The following FRMD3 variants were observed in gnomAD, a reference collection of about 807,000 sequenced individuals.
FRMD3 encodes FERM domain-containing protein 3.
In FRMD3, 33 loss-of-function variants were observed where a neutral mutation model predicts 70.2. That is an observed-to-expected ratio of 0.47 (90% CI 0.36 to 0.63). FRMD3 has a LOEUF of 0.63. FRMD3 is among the 20% of genes least tolerant of loss of function. The pLI is 0.00. For synonymous variants in FRMD3, 279 were observed against 255.9 expected, an observed-to-expected ratio of 1.09 and a Z score of -0.86; for missense variants, 632 against 711.4, an observed-to-expected ratio of 0.89 and a Z score of 1.27.
At chr9:83,509,034 C>A (rs1030760300) in intron 1 of FRMD3, among the ~76,000 whole-genome samples, 1 of 147,224 alleles carries the variant, frequency 6.8e-6, no homozygotes, top group Non-Finnish European at 1.5e-5. Context: ...TCCTCCCCAA[C>A]TTTTATTCAA....
At chr9:83,254,000 C>T (rs1057214892) in intron 13 of FRMD3, among the ~76,000 whole-genome samples, 1 of 151,616 alleles carries the variant, frequency 6.6e-6, no homozygotes, top group African/African-American at 2.4e-5. Flanking sequence ...TCATTCTCAG[C>T]AAACTATCAC....
At chr9:83,335,462 G>C (rs1158587458) in intron 6 of FRMD3, 54 bp downstream of exon 6, 1 of 1,505,974 alleles carries the variant, frequency 6.6e-7, no homozygotes. Context: ...ATTCCCTGCA[G>C]TAAGAATATT....
Position 83,501,974 on chromosome 9 carries a change from G to T in FRMD3, c.147+36111C>A, listed in dbSNP as rs113791649. Among the ~76,000 whole-genome samples, 581 of 152,128 alleles carry T rather than the reference G, an allele frequency of 3.8e-3. 5 individuals carry two copies. Among genetic ancestry groups the T allele is most frequent in the African/African-American group, 0.013 (551 of 41,510 alleles). On this transcript the variant is annotated intron_variant, in intron 1 of 13. Transcript: ENST00000304195. ...CAATTTAAGTCAAGCACCAAAATTT[G>T]TTACTTATGGAAGCAACTCCTTTAA...
intron 10 of FRMD3, among the ~76,000 whole-genome samples, chr9:83,306,122 G>A (rs1286830640): frequency 3.3e-5 from 5 of 151,980 alleles, no homozygotes; most frequent in African/African-American, 7.3e-5. Context: ...ATAAAACAAC[G>A]TGCGTGAAAT....
intron 1 of FRMD3, among the ~76,000 whole-genome samples, chr9:83,490,790 T>TCA (rs1470613207): frequency 2.5e-5 from 3 of 122,214 alleles, no homozygotes; most frequent in African/African-American, 3.8e-5. Flanking sequence ...TCTCTCTCTC[T>TCA]CTCTCTCTCA....
chr9:83,557,741 G>A, the FRMD3 span, among the ~76,000 whole-genome samples: 10 of 152,172 alleles, frequency 6.6e-5, no homozygotes, highest in African/African-American at 1.9e-4. Context: ...AAGAAATGAA[G>A]ATCTGGGGGG....
intron 4 of FRMD3, among the ~76,000 whole-genome samples, chr9:83,346,765 T>C (rs902899199): frequency 4.6e-5 from 7 of 152,168 alleles, no homozygotes; most frequent in Non-Finnish European, 2.9e-5. Context: ...CTTATGAAAA[T>C]AGATTGCTGG....
At chr9:83,283,350 G>A (rs1373141297) in intron 13 of FRMD3, among the ~76,000 whole-genome samples, 1 of 151,894 alleles carries the variant, frequency 6.6e-6, no homozygotes, top group South Asian at 2.1e-4. Flanking sequence ...CTAACATGGT[G>A]AAACCCCGTC....
chr9:83,514,271 G>A (rs1477124486), intron 1 of FRMD3, among the ~76,000 whole-genome samples: 2 of 152,174 alleles, frequency 1.3e-5, no homozygotes, highest in African/African-American at 4.8e-5. Flanking sequence ...CTCGAGCTTG[G>A]TGGGGAGAGG....
chr9:83,472,599 C>T lies in FRMD3; in HGVS notation c.147+65486G>A, dbSNP rs184674988. Reference sequence around the variant, plus strand: ...CCAGCTCCTCCTCACTAGGGGCCAGCACAATATCCATTCGGTGACTTTTAT... The same window carrying T: ...CCAGCTCCTCCTCACTAGGGGCCAGTACAATATCCATTCGGTGACTTTTAT... On this transcript the variant is annotated intron_variant, in intron 1 of 13. Coordinates refer to ENST00000304195, the MANE Select transcript of FRMD3 (RefSeq NM_174938.6). 1.5e-3 allele frequency among the ~76,000 whole-genome samples: 224 copies of T among 152,280 alleles called. 7 individuals carry two copies. In the South Asian group the frequency reaches 0.032, roughly 22 times the overall value.
intron 4 of FRMD3, among the ~76,000 whole-genome samples, chr9:83,345,818 C>T (rs1367691007): frequency 6.6e-6 from 1 of 151,972 alleles, no homozygotes; most frequent in Non-Finnish European, 1.5e-5. Context: ...TGCTGTGGTG[C>T]AGCTCCATCA....
chr9:83,359,187 G>T (rs1468590596), intron 3 of FRMD3, among the ~76,000 whole-genome samples: 2 of 151,998 alleles, frequency 1.3e-5, no homozygotes, highest in Admixed American at 1.3e-4. Flanking sequence ...TCCCTCCTAT[G>T]CTTTTATCAC....
chr9:83,490,798 T>TCTCTCTCACACA (rs752047493), intron 1 of FRMD3, among the ~76,000 whole-genome samples: 3 of 110,716 alleles, frequency 2.7e-5, no homozygotes, highest in Non-Finnish European at 5.3e-5. Flanking sequence ...TCTCTCTCTC[T>TCTCTCTCACACA]CACACACACA....
At chr9:83,458,215 T>A (rs1014599022) in intron 1 of FRMD3, among the ~76,000 whole-genome samples, 2 of 152,166 alleles carry the variant, frequency 1.3e-5, no homozygotes, top group African/African-American at 4.8e-5. Flanking sequence ...TTTCCAAGAA[T>A]GAAAATGGAC....
intron 4 of FRMD3, among the ~76,000 whole-genome samples, chr9:83,346,215 C>A (rs1398494083): frequency 7.1e-6 from 1 of 140,338 alleles, no homozygotes; most frequent in Non-Finnish European, 1.5e-5. Flanking sequence ...GAGATCACAC[C>A]ACTGCACTCC....
At chr9:83,535,949 C>A (rs1418518722) in intron 1 of FRMD3, among the ~76,000 whole-genome samples, 1 of 152,128 alleles carries the variant, frequency 6.6e-6, no homozygotes, top group African/African-American at 2.4e-5. Flanking sequence ...TCCTTTTGTT[C>A]TCACTCTAAG....
the FRMD3 span, among the ~76,000 whole-genome samples, chr9:83,572,950 T>C: frequency 6.6e-6 from 1 of 152,210 alleles, no homozygotes; most frequent in Non-Finnish European, 1.5e-5. Flanking sequence ...GTGACCATCA[T>C]GGAAATGTAT....
chr9:83,364,673 C>T (rs1189014958), intron 3 of FRMD3, among the ~76,000 whole-genome samples: 1 of 152,146 alleles, frequency 6.6e-6, no homozygotes, highest in Non-Finnish European at 1.5e-5. Context: ...ATATTTTCCT[C>T]AGGAAGCCCT....
chr9:83,358,517 T>C (rs1824478193), intron 3 of FRMD3, among the ~76,000 whole-genome samples: 1 of 152,194 alleles, frequency 6.6e-6, no homozygotes, highest in Non-Finnish European at 1.5e-5. Context: ...GTAAATTGCC[T>C]TCGGCAGTAT....
Sources: allele counts gnomAD v4.1 joint callset (sites outside exome capture counted in the v4.1 genomes callset), GRCh38; gene constraint gnomAD v4.1.1; transcripts MANE v1.5; gene names NCBI Gene and HGNC (gene_info 2026-07-23, HGNC 2026-07-21).